The following ATP8B4 variants were observed in gnomAD, a reference collection of about 807,000 sequenced individuals.
ATP8B4 encodes probable phospholipid-transporting ATPase IM.
Under a neutral mutation model 145.6 loss-of-function variants are expected in ATP8B4, and 133 were observed. The observed-to-expected ratio is 0.91, with a 90% CI of 0.79 to 1.05. The LOEUF is 1.05. Ranked by LOEUF, ATP8B4 falls within the 50% of genes least tolerant of loss-of-function variation. The pLI is 0.00. For missense variants in ATP8B4, 1,458 were observed against 1,425.2 expected, an observed-to-expected ratio of 1.02 and a Z score of -0.37; for synonymous variants, 507 against 492.9, an observed-to-expected ratio of 1.03 and a Z score of -0.38.
intron 7 of ATP8B4, among the ~76,000 whole-genome samples, chr15:50,002,874 A>T (rs2048008161): frequency 6.6e-6 from 1 of 152,280 alleles, no homozygotes; most frequent in Non-Finnish European, 1.5e-5. Flanking sequence ...TCAGAGATAA[A>T]CAGTTCTATT....
At chr15:50,119,013 A>G (rs2057230480) in intron 1 of ATP8B4, 110 bp downstream of exon 1, 1 of 152,132 alleles carries the variant, frequency 6.6e-6, no homozygotes, top group South Asian at 2.1e-4. Flanking sequence ...CAAGATGAAA[A>G]CAGCAAAACA....
At chr15:50,133,141 T>C (rs551301111) in intron 1 of ATP8B4, among the ~76,000 whole-genome samples, 1 of 152,334 alleles carries the variant, frequency 6.6e-6, no homozygotes, top group African/African-American at 2.4e-5. Flanking sequence ...GTACATACAA[T>C]GGAATATTAT....
chr15:49,882,487 A>G (rs1234242639), intron 23 of ATP8B4, among the ~76,000 whole-genome samples: 2 of 152,246 alleles, frequency 1.3e-5, no homozygotes, highest in Admixed American at 1.3e-4. Flanking sequence ...AACAACCAAA[A>G]CATCCTTCAA....
intron 1 of ATP8B4, among the ~76,000 whole-genome samples, chr15:50,178,794 T>C (rs1283810136): frequency 6.6e-6 from 1 of 152,240 alleles, no homozygotes; most frequent in African/African-American, 2.4e-5. Context: ...ATTTTAACCA[T>C]TTTTAAGTGT....
chr15:49,905,431 T>C (rs947055600), intron 20 of ATP8B4, among the ~76,000 whole-genome samples: 1 of 152,208 alleles, frequency 6.6e-6, no homozygotes. Flanking sequence ...GGCTTAGATA[T>C]AAGTAGCTGA....
chr15:49,989,057 T>TC (rs2046853211), intron 9 of ATP8B4, among the ~76,000 whole-genome samples: 1 of 152,086 alleles, frequency 6.6e-6, no homozygotes, highest in South Asian at 2.1e-4. Flanking sequence ...CATCCCTATT[T>TC]CCCACTGCTA....
chr15:50,083,684 G>A (rs1045905877), intron 2 of ATP8B4, among the ~76,000 whole-genome samples: 7 of 152,172 alleles, frequency 4.6e-5, no homozygotes, highest in Non-Finnish European at 7.3e-5. Context: ...CTTTCAATTC[G>A]TGTTTGTCAC....
intron 25 of ATP8B4, 142 bp downstream of exon 25, chr15:49,876,136 A>G: frequency 8.5e-7 from 1 of 1,182,738 alleles, no homozygotes; most frequent in African/African-American, 1.5e-5. Flanking sequence ...TCCTGCTTTC[A>G]TCTCAAAATG....
intron 1 of ATP8B4, among the ~76,000 whole-genome samples, chr15:50,109,293 C>T (rs2056830697): frequency 1.3e-5 from 2 of 152,160 alleles, no homozygotes; most frequent in African/African-American, 2.4e-5. Context: ...GTAAAGACTT[C>T]CTGTCAAAAA....
chr15:49,971,847 A>C (rs2045168309), intron 13 of ATP8B4, among the ~76,000 whole-genome samples: 1 of 152,204 alleles, frequency 6.6e-6, no homozygotes. Context: ...CACTATTCAC[A>C]ATACCAAAGA....
chr15:49,993,904 G>A (rs2047222417), intron 9 of ATP8B4, among the ~76,000 whole-genome samples: 1 of 152,052 alleles, frequency 6.6e-6, no homozygotes. Flanking sequence ...CTTTATTTGT[G>A]AAAACAATTA....
chr15:50,019,517 C>T (rs1043414170), intron 6 of ATP8B4, among the ~76,000 whole-genome samples: 4 of 152,136 alleles, frequency 2.6e-5, no homozygotes, highest in Non-Finnish European at 5.9e-5. Context: ...ATAATATATA[C>T]ATTTAAAATA....
intron 4 of ATP8B4, 68 bp from the exon 5 acceptor site, chr15:50,044,760 T>C: frequency 3.5e-6 from 4 of 1,129,478 alleles, no homozygotes. Context: ...AACTGTGTCA[T>C]TTAATTTCAA....
rs765939214 is a variant in ATP8B4, at chr15:49,862,332, T to A, written c.3210A>T (p.Val1070=). The A allele has an allele frequency of 6.2e-7, 1 of 1,613,848 alleles. No individual in the cohort carries two copies. Among genetic ancestry groups the A allele is most frequent in the East Asian group, 2.2e-5 (1 of 44,830 alleles). The change falls in exon 27 of 28, where the codon GTA becomes GTT. Residue 1070 remains valine (V), a synonymous_variant. Coordinates refer to ENST00000284509, the MANE Select transcript of ATP8B4 (RefSeq NM_024837.4). The part of the protein sequence containing the change: ...HSLTQKCIWL[V]ILLTTVASVM... ...CTGAAGCCACTGTTGTTAAGAGAATTACAAGCCAGATGCACTTCTGGGTCA... is the reference window on the plus strand; with the variant it reads ...CTGAAGCCACTGTTGTTAAGAGAATAACAAGCCAGATGCACTTCTGGGTCA...
chr15:49,918,737 G>A, intron 19 of ATP8B4, 102 bp downstream of exon 19: 1 of 785,404 alleles, frequency 1.3e-6, no homozygotes, highest in Non-Finnish European at 2.1e-6. Context: ...GTGGAAGATT[G>A]GGTGAATATT....
chr15:49,858,287 T>C lies in ATP8B4; in HGVS notation c.*1907A>G, dbSNP rs977614090. On this transcript the variant is annotated 3_prime_UTR_variant, in exon 28 of 28. Coordinates refer to ENST00000284509, the MANE Select transcript of ATP8B4 (RefSeq NM_024837.4). ...TGAAAGTTTTCAAATCTTGCAAAAA[T>C]GTTACAAAAAGTGAGCAAATGTGGT... 1.3e-5 allele frequency: 2 copies of C among 152,098 alleles called. No individual in the cohort carries two copies. The highest frequency in any genetic ancestry group is 2.9e-5 in the Non-Finnish European group (2 of 68,018). 9.4% of individuals were successfully genotyped at this position (152,098 alleles called of 1,614,324 possible). A position where few individuals can be genotyped will look rare whatever the true frequency, so the allele number is the denominator to read the frequency against.
chr15:49,998,659 G>A (rs1368074629), intron 8 of ATP8B4, among the ~76,000 whole-genome samples: 1 of 152,116 alleles, frequency 6.6e-6, no homozygotes, highest in Non-Finnish European at 1.5e-5. Flanking sequence ...CAGATGAGTA[G>A]GTTGTGAAAA....
intron 11 of ATP8B4, among the ~76,000 whole-genome samples, chr15:49,980,428 G>C (rs1400681300): frequency 3.9e-5 from 6 of 152,092 alleles, no homozygotes; most frequent in Non-Finnish European, 8.8e-5. Context: ...TATATAAGCA[G>C]ACAAAGCAGT....
rs145219597 is a variant in ATP8B4, at chr15:50,008,794, C to T, written c.435+2051G>A. 1.4e-4 allele frequency among the ~76,000 whole-genome samples: 21 copies of T among 152,242 alleles called. No homozygotes were observed. In the East Asian group the frequency reaches 3.7e-3, roughly 27 times the overall value. On this transcript the variant is annotated intron_variant, in intron 7 of 27. Coordinates refer to ENST00000284509, the MANE Select transcript of ATP8B4 (RefSeq NM_024837.4). ...AATGTGATAAATCAGCACACTATGGCGTTAGTAAACAAGTGAGTCCAGTCT... is the reference window on the plus strand; with the variant it reads ...AATGTGATAAATCAGCACACTATGGTGTTAGTAAACAAGTGAGTCCAGTCT...
Sources: allele counts gnomAD v4.1 joint callset (sites outside exome capture counted in the v4.1 genomes callset), GRCh38; gene constraint gnomAD v4.1.1; transcripts MANE v1.5; gene names NCBI Gene and HGNC (gene_info 2026-07-23, HGNC 2026-07-21).